The following CAMTA1 variants were observed in gnomAD, a reference collection of about 807,000 sequenced individuals.
CAMTA1 encodes the protein calmodulin-binding transcription activator 1.
CAMTA1 carries 27 observed loss-of-function variants against 170.9 expected under a neutral mutation model. The observed-to-expected ratio is 0.16, with a 90% CI of 0.12 to 0.22. CAMTA1 has a LOEUF of 0.22. CAMTA1 is among the 10% of genes least tolerant of loss of function. The pLI is 1.00. For missense variants in CAMTA1, 1,619 were observed against 2,217.2 expected (o/e 0.73, Z 5.42); for synonymous variants, 833 against 891.5 (o/e 0.93, Z 1.17).
intron 1 of CAMTA1, among the ~76,000 whole-genome samples, chr1:6,803,818 G>C (rs545664124): frequency 6.6e-6 from 1 of 152,240 alleles, no homozygotes; most frequent in South Asian, 2.1e-4. Context: ...GGACTCAAGT[G>C]ATCCTCCTGC....
At chr1:6,907,022 C>T (rs760484694) in intron 3 of CAMTA1, among the ~76,000 whole-genome samples, 1 of 152,090 alleles carries the variant, frequency 6.6e-6, no homozygotes, top group East Asian at 1.9e-4. Context: ...CAGGAAGTCT[C>T]GGGTCTGAAG....
At chr1:7,730,444 C>G (rs921785827) in intron 11 of CAMTA1, among the ~76,000 whole-genome samples, 7 of 152,286 alleles carry the variant, frequency 4.6e-5, no homozygotes, top group Non-Finnish European at 7.3e-5. Flanking sequence ...TGAGCAAACT[C>G]GAAGTGTCAC....
chr1:6,871,938 A>G, intron 3 of CAMTA1: 9 of 1,338,812 alleles, frequency 6.7e-6, no homozygotes, highest in Non-Finnish European at 8.6e-6. Flanking sequence ...ATTTCCTCAA[A>G]TAGAGATACC....
chr1:6,912,898 G>A (rs886505073), intron 3 of CAMTA1, among the ~76,000 whole-genome samples: 6 of 152,212 alleles, frequency 3.9e-5, no homozygotes, highest in Admixed American at 1.3e-4. Flanking sequence ...TGGGCACCAG[G>A]AGGTTGTGTG....
intron 3 of CAMTA1, among the ~76,000 whole-genome samples, chr1:7,019,123 G>A (rs918295535): frequency 4.6e-5 from 7 of 152,280 alleles, no homozygotes; most frequent in South Asian, 2.1e-4. Flanking sequence ...TGGGTTCCGC[G>A]AAATGCCTCA....
chr1:7,566,839 A>G (rs1428805169), intron 6 of CAMTA1, among the ~76,000 whole-genome samples: 1 of 152,206 alleles, frequency 6.6e-6, no homozygotes, highest in African/African-American at 2.4e-5. Context: ...CCAGATTGGC[A>G]CTAGGAGCAT....
Position 7,588,974 on chromosome 1 carries a change from T to C in CAMTA1, c.511-51426T>C, listed in dbSNP as rs2095333585. ...CAGCTTAAAATTGAAAACCAAGCAA[T>C]TTACCTTCAATCGCTTCTCAGAATT... On this transcript the variant is annotated intron_variant, in intron 6 of 22. Coordinates refer to ENST00000303635, the MANE Select transcript of CAMTA1 (RefSeq NM_015215.4). The surrounding 1 kb of genome is among the most constrained non-coding windows in gnomAD (Gnocchi z 5.8). Among the ~76,000 whole-genome samples, 1 of 152,158 alleles carries C rather than the reference T, an allele frequency of 6.6e-6. No homozygotes were observed. Among genetic ancestry groups the C allele is most frequent in the African/African-American group, 2.4e-5 (1 of 41,442 alleles).
chr1:6,975,581 A>T (rs140563709), intron 3 of CAMTA1, among the ~76,000 whole-genome samples: 2 of 152,232 alleles, frequency 1.3e-5, no homozygotes, highest in South Asian at 2.1e-4. Flanking sequence ...GTTCAAGCTG[A>T]TGGGGAGCGT....
At position 7,738,334 on chromosome 1, in the gene CAMTA1, G is replaced by C. The variant is rs1240642079; in HGVS notation, c.4034G>C (p.Gly1345Ala). The C allele has an allele frequency of 2.5e-6, 4 of 1,614,206 alleles. No homozygotes were observed. Among genetic ancestry groups the C allele is most frequent in the Non-Finnish European group, 3.4e-6 (4 of 1,180,044 alleles). The change falls in exon 16 of 23, where the codon GGA becomes GCA. Residue 1345 changes from glycine to alanine, a missense_variant. By Grantham distance (60) the Gly-to-Ala change is moderately conservative (BLOSUM62 0). Around this residue, in one of 8 missense-constraint regions of CAMTA1, gnomAD observed 370 missense variants for 429.4 expected, o/e 0.86. Coordinates refer to ENST00000303635, the MANE Select transcript of CAMTA1 (RefSeq NM_015215.4). The surrounding 1 kb of genome is among the most constrained non-coding windows in gnomAD (Gnocchi z 4.9). ...GGAAATCCGAAGGGGACCAGTGTAG[G>C]AAAGGAGGCAGCACCTTCACAGGTG... ...VTGNPKGTSV[G>A]KEAAPSQVRP...
intron 3 of CAMTA1, among the ~76,000 whole-genome samples, chr1:7,066,635 TAA>T (rs1294391479): frequency 6.6e-6 from 1 of 152,212 alleles, no homozygotes; most frequent in East Asian, 1.9e-4. Flanking sequence ...ACTCCTTGCT[TAA>T]AGAGAAAACC....
chr1:7,631,237 G>A (rs2095667004), intron 6 of CAMTA1, among the ~76,000 whole-genome samples: 1 of 152,176 alleles, frequency 6.6e-6, no homozygotes, highest in Admixed American at 6.5e-5. Context: ...ACCCAACCGG[G>A]CTCCCTGGAC....
At chr1:6,801,192 C>T (rs906391723) in intron 1 of CAMTA1, among the ~76,000 whole-genome samples, 1 of 152,228 alleles carries the variant, frequency 6.6e-6, no homozygotes, top group Non-Finnish European at 1.5e-5. Flanking sequence ...GAAGGAACAT[C>T]AGGCTTTCTG....
intron 2 of CAMTA1, among the ~76,000 whole-genome samples, chr1:6,821,029 G>A (rs1229429494): frequency 2.0e-5 from 3 of 152,132 alleles, no homozygotes; most frequent in South Asian, 2.1e-4. Context: ...GCCTGGACCC[G>A]AGATTTTGTA....
chr1:6,976,988 T>C (rs1969171), intron 3 of CAMTA1, among the ~76,000 whole-genome samples: 16 of 83,678 alleles, frequency 1.9e-4, no homozygotes, highest in Admixed American at 3.1e-4. Flanking sequence ...TGCCTTCTCT[T>C]CTCCTTTGCC....
In CAMTA1 at chr1:7,252,456, T is replaced by C. The variant is rs1413506223; in HGVS notation, c.438+2830T>C. Among the ~76,000 whole-genome samples the C allele has an allele frequency of 2.0e-5, 3 of 152,238 alleles. No homozygotes were observed. The East Asian group carries it at 5.8e-4, about 29-fold the overall frequency. ...TCAACCCCCACATCTCACCAGCATT[T>C]CTGCTGCATTACCTCTGATCTGGAC... On this transcript the variant is annotated intron_variant, in intron 5 of 22. Coordinates refer to ENST00000303635, the MANE Select transcript of CAMTA1 (RefSeq NM_015215.4).
At chr1:7,444,528 G>A (rs1262857933) in intron 5 of CAMTA1, among the ~76,000 whole-genome samples, 1 of 152,246 alleles carries the variant, frequency 6.6e-6, no homozygotes, top group Non-Finnish European at 1.5e-5. Flanking sequence ...TGGGCTGGAG[G>A]CAGAGAAGCT....
intron 3 of CAMTA1, among the ~76,000 whole-genome samples, chr1:6,964,277 G>A (rs1230985040): frequency 6.6e-6 from 1 of 151,826 alleles, no homozygotes. Context: ...TAGGGGTGCG[G>A]AGTCCTGGGT....
chr1:7,596,802 C>T (rs2095403620), intron 6 of CAMTA1, among the ~76,000 whole-genome samples: 4 of 152,210 alleles, frequency 2.6e-5, no homozygotes, highest in Admixed American at 2.6e-4. Context: ...CAGTGAGCCA[C>T]TGCACAATCA....
At chr1:7,433,245 G>A (rs1458874237) in intron 5 of CAMTA1, among the ~76,000 whole-genome samples, 1 of 152,236 alleles carries the variant, frequency 6.6e-6, no homozygotes, top group Non-Finnish European at 1.5e-5. Flanking sequence ...GCAGAAGGAA[G>A]GGCTGTGCTG....
Sources: gnomAD v4.1 joint callset for allele counts (sites outside exome capture counted in the v4.1 genomes callset) on GRCh38, gnomAD v4.1.1 for gene constraint, gnomAD v4.1.1 regional missense constraint, Gnocchi (gnomAD v3.1) non-coding constraint, MANE v1.5 for transcripts, NCBI Gene and HGNC (gene_info 2026-07-23, HGNC 2026-07-21) for gene names.